Variants in CAP2 observed in about 807,000 individuals in gnomAD.
CAP2 encodes cyclase associated actin cytoskeleton regulatory protein 2, also known as adenylyl cyclase-associated protein 2.
CAP2 carries 24 observed loss-of-function variants against 57.7 expected under a neutral mutation model. The observed-to-expected ratio is 0.42, with a 90% CI of 0.30 to 0.58. CAP2 has a LOEUF of 0.58. Ranked by LOEUF, CAP2 falls within the 20% of genes least tolerant of loss-of-function variation. The pLI, the probability that CAP2 is intolerant of heterozygous loss-of-function variation, is 0.22. For synonymous variants in CAP2, 194 were observed against 207.2 expected, an observed-to-expected ratio of 0.94 and a Z score of 0.55; for missense variants, 501 against 590.3, an observed-to-expected ratio of 0.85 and a Z score of 1.57.
intron 7 of CAP2, chr6:17,531,590 A>G (rs6899515): frequency 0.73 from 1,094,307 of 1,509,034 alleles, 397,255 homozygotes; most frequent in East Asian, 0.76. Flanking sequence ...TTTCTTAAGC[A>G]TTTCTGGCAC....
chr6:17,420,815 T>C (rs1260418127), intron 1 of CAP2, among the ~76,000 whole-genome samples: 1 of 152,228 alleles, frequency 6.6e-6, no homozygotes, highest in African/African-American at 2.4e-5. Context: ...ACTAATGGAA[T>C]AGAAAATAAG....
intron 7 of CAP2, among the ~76,000 whole-genome samples, chr6:17,514,611 G>C (rs1328637230): frequency 6.6e-6 from 1 of 151,864 alleles, no homozygotes. Flanking sequence ...TTAGCTGGGT[G>C]TGGTGGCACA....
rs115146366 is a variant in CAP2 at position 17,408,094 on chromosome 6, G to A, written c.-1-13461G>A. Among the ~76,000 whole-genome samples, 562 of 152,114 alleles carry A rather than the reference G, an allele frequency of 3.7e-3. 1 individual carries two copies. Among genetic ancestry groups the A allele is most frequent in the Non-Finnish European group, 4.1e-3 (279 of 68,004 alleles). ...GGAATTTCAACAAACCTTATTACTC[G>A]TTATCTAAGTCCATTAGTATTGCTA... On this transcript the variant is annotated intron_variant, in intron 1 of 12. Coordinates refer to ENST00000229922, the MANE Select transcript of CAP2 (RefSeq NM_006366.3).
chr6:17,437,403 T>C (rs1759922969), intron 3 of CAP2, among the ~76,000 whole-genome samples: 1 of 152,286 alleles, frequency 6.6e-6, no homozygotes, highest in South Asian at 2.1e-4. Context: ...TTGCCTTCCA[T>C]GGGGATATGC....
At chr6:17,529,317 TAGAA>T (rs1357678774) in intron 7 of CAP2, among the ~76,000 whole-genome samples, 1 of 152,078 alleles carries the variant, frequency 6.6e-6, no homozygotes, top group African/African-American at 2.4e-5. Flanking sequence ...TTGCATAAAA[TAGAA>T]AGAAATTAGT....
chr6:17,455,216 A>G (rs1760526710), intron 3 of CAP2, among the ~76,000 whole-genome samples: 1 of 152,110 alleles, frequency 6.6e-6, no homozygotes, highest in African/African-American at 2.4e-5. Context: ...AAGCATGAGC[A>G]CTAAGAGGCA....
At chr6:17,442,612 G>C (rs539752549) in intron 3 of CAP2, among the ~76,000 whole-genome samples, 128 of 152,280 alleles carry the variant, frequency 8.4e-4, no homozygotes, top group African/African-American at 2.9e-3. Context: ...AGCTGGCTGG[G>C]TGTGGTGGTT....
intron 4 of CAP2, among the ~76,000 whole-genome samples, chr6:17,464,093 T>G (rs1223511983): frequency 6.6e-6 from 1 of 152,112 alleles, no homozygotes; most frequent in East Asian, 1.9e-4. Context: ...CTACTGACAT[T>G]GTATCATGCA....
chr6:17,543,912 G>A (rs1374203263), intron 11 of CAP2, among the ~76,000 whole-genome samples: 1 of 152,072 alleles, frequency 6.6e-6, no homozygotes, highest in Non-Finnish European at 1.5e-5. Context: ...ATCACCTGAG[G>A]TCAGGAGTTT....
intron 1 of CAP2, among the ~76,000 whole-genome samples, chr6:17,397,259 C>T (rs1758690333): frequency 1.3e-5 from 2 of 151,968 alleles, no homozygotes; most frequent in African/African-American, 2.4e-5. Flanking sequence ...GGGGTTTCAC[C>T]ATGTTGCCCA....
At chr6:17,506,087 T>C (rs1761975918) in intron 4 of CAP2, among the ~76,000 whole-genome samples, 1 of 151,980 alleles carries the variant, frequency 6.6e-6, no homozygotes, top group African/African-American at 2.4e-5. Context: ...TTTGTAGAAG[T>C]GGGGTCTTGC....
At chr6:17,462,199 C>T (rs979434787) in intron 3 of CAP2, among the ~76,000 whole-genome samples, 1 of 151,786 alleles carries the variant, frequency 6.6e-6, no homozygotes, top group Non-Finnish European at 1.5e-5. Flanking sequence ...CCAAATGGCA[C>T]TGACATCTCT....
intron 3 of CAP2, among the ~76,000 whole-genome samples, chr6:17,429,612 A>C (rs1759677355): frequency 6.6e-6 from 1 of 152,208 alleles, no homozygotes; most frequent in Non-Finnish European, 1.5e-5. Flanking sequence ...AGGATGACTC[A>C]GATGAAGGAA....
intron 1 of CAP2, among the ~76,000 whole-genome samples, chr6:17,421,052 G>C (rs1759429990): frequency 6.6e-6 from 1 of 152,170 alleles, no homozygotes; most frequent in Admixed American, 6.5e-5. Flanking sequence ...ATACTAATCA[G>C]TCAAAGAAAG....
intron 1 of CAP2, among the ~76,000 whole-genome samples, chr6:17,415,686 C>G (rs570165485): frequency 6.6e-6 from 1 of 152,150 alleles, no homozygotes; most frequent in Non-Finnish European, 1.5e-5. Context: ...AGCTTGCAGC[C>G]GGTCTCCTTG....
At chr6:17,471,464 A>G (rs184926002) in intron 4 of CAP2, among the ~76,000 whole-genome samples, 107 of 152,358 alleles carry the variant, frequency 7.0e-4, no homozygotes, top group Non-Finnish European at 1.2e-3. Flanking sequence ...GTGCACAGCA[A>G]GGATTTTTAA....
chr6:17,410,020 A>G (rs1300538841), intron 1 of CAP2, among the ~76,000 whole-genome samples: 1 of 152,086 alleles, frequency 6.6e-6, no homozygotes, highest in African/African-American at 2.4e-5. Context: ...TTCCATCAAT[A>G]TTTACTCGTC....
intron 3 of CAP2, among the ~76,000 whole-genome samples, chr6:17,453,798 T>C (rs970298678): frequency 6.6e-6 from 1 of 152,078 alleles, no homozygotes; most frequent in South Asian, 2.1e-4. Context: ...TCTTGGGAAA[T>C]TCACTAACCT....
intron 7 of CAP2, among the ~76,000 whole-genome samples, chr6:17,528,135 T>C (rs1762554497): frequency 6.6e-6 from 1 of 152,212 alleles, no homozygotes. Flanking sequence ...ATAGGCTTGG[T>C]GTTAGAAGGT....
Sources: allele counts gnomAD v4.1 joint callset (sites outside exome capture counted in the v4.1 genomes callset), GRCh38; gene constraint gnomAD v4.1.1; transcripts MANE v1.5; gene names NCBI Gene and HGNC (gene_info 2026-07-23, HGNC 2026-07-21).